The following TACC2 variants were observed in gnomAD, a reference collection of about 807,000 sequenced individuals.
The protein encoded by TACC2 is transforming acidic coiled-coil containing protein 2.
TACC2 carries 137 observed loss-of-function variants against 227.3 expected under a neutral mutation model. The observed-to-expected ratio is 0.60, with a 90% CI of 0.52 to 0.69. The LOEUF (loss-of-function observed/expected upper bound fraction) is 0.69. Ranked by LOEUF, TACC2 falls within the 30% of genes least tolerant of loss-of-function variation. The pLI is 0.00. For synonymous variants in TACC2, 1,523 were observed against 1,487.5 expected, an observed-to-expected ratio of 1.02 and a Z score of -0.55; for missense variants, 3,470 against 3,694.4, an observed-to-expected ratio of 0.94 and a Z score of 1.57.
intron 1 of TACC2, among the ~76,000 whole-genome samples, chr10:121,995,200 A>C (rs1336136285): frequency 1.3e-5 from 2 of 152,216 alleles, no homozygotes; most frequent in Non-Finnish European, 2.9e-5. Context: ...GTGCCTTTCC[A>C]GGCCTGTTTC....
At chr10:122,241,684 T>G in intron 18 of TACC2, 1 of 511,966 alleles carries the variant, frequency 2.0e-6, no homozygotes, top group East Asian at 3.2e-5. Flanking sequence ...AGCCTCAGCC[T>G]TCTCAATACC....
At chr10:122,079,569 A>G (rs1242017712) in intron 3 of TACC2, among the ~76,000 whole-genome samples, 1 of 152,170 alleles carries the variant, frequency 6.6e-6, no homozygotes, top group African/African-American at 2.4e-5. Flanking sequence ...GATAAAGATG[A>G]GTGCAGGGGT....
At chr10:122,160,551 G>A (rs1359279801) in intron 7 of TACC2, among the ~76,000 whole-genome samples, 6 of 151,864 alleles carry the variant, frequency 4.0e-5, no homozygotes, top group Admixed American at 6.6e-5. Context: ...GGGGGGTCTC[G>A]TGTCTTTTTC....
chr10:122,005,954 C>A (rs1955067683), intron 1 of TACC2, among the ~76,000 whole-genome samples: 1 of 152,050 alleles, frequency 6.6e-6, no homozygotes. Flanking sequence ...CTCAGCCTTC[C>A]AAAGTGTTGG....
At chr10:122,013,789 C>T (rs1261338692) in intron 1 of TACC2, among the ~76,000 whole-genome samples, 1 of 152,064 alleles carries the variant, frequency 6.6e-6, no homozygotes, top group African/African-American at 2.4e-5. Flanking sequence ...GGGCCCTGGT[C>T]GAGATGAGAG....
chr10:122,020,704 A>C (rs1417023330), intron 1 of TACC2, among the ~76,000 whole-genome samples: 1 of 152,064 alleles, frequency 6.6e-6, no homozygotes, highest in African/African-American at 2.4e-5. Flanking sequence ...CAAGCTCCTT[A>C]CCTTTTCCAG....
intron 7 of TACC2, among the ~76,000 whole-genome samples, chr10:122,185,818 C>T (rs2140360480): frequency 6.6e-6 from 1 of 152,316 alleles, no homozygotes; most frequent in Admixed American, 6.5e-5. Flanking sequence ...TGTAATTCTC[C>T]TCTCTAGAGA....
At chr10:122,065,970 C>T (rs1414731542) in intron 3 of TACC2, among the ~76,000 whole-genome samples, 2 of 152,142 alleles carry the variant, frequency 1.3e-5, no homozygotes, top group Non-Finnish European at 2.9e-5. Flanking sequence ...TTAGTGTTTG[C>T]ATAGTACATC....
intron 2 of TACC2, among the ~76,000 whole-genome samples, chr10:122,032,596 C>G (rs997576037): frequency 6.6e-6 from 1 of 152,166 alleles, no homozygotes; most frequent in Non-Finnish European, 1.5e-5. Flanking sequence ...TTCCTCTTCT[C>G]TCTCTCTGTT....
intron 5 of TACC2, among the ~76,000 whole-genome samples, chr10:122,105,127 G>C (rs968495352): frequency 2.0e-5 from 3 of 152,214 alleles, no homozygotes; most frequent in African/African-American, 7.2e-5. Context: ...AAGATAGTGT[G>C]CTGTCACTCA....
intron 2 of TACC2, among the ~76,000 whole-genome samples, chr10:122,039,006 C>T (rs1026660133): frequency 4.6e-5 from 7 of 152,150 alleles, no homozygotes; most frequent in Admixed American, 2.0e-4. Context: ...GACGGAGTCT[C>T]ACTCTGTCAG....
chr10:122,113,996 C>A (rs2084159937), intron 5 of TACC2, among the ~76,000 whole-genome samples: 1 of 152,242 alleles, frequency 6.6e-6, no homozygotes, highest in African/African-American at 2.4e-5. Flanking sequence ...AAAATGGCTT[C>A]ATCATCATCA....
At chr10:122,066,829 T>G (rs1011339551) in intron 3 of TACC2, among the ~76,000 whole-genome samples, 4 of 152,252 alleles carry the variant, frequency 2.6e-5, no homozygotes, top group African/African-American at 9.6e-5. Context: ...TTGGATTATT[T>G]TATTAGCTAC....
At chr10:122,111,515 G>A (rs138858127) in intron 5 of TACC2, among the ~76,000 whole-genome samples, 87 of 152,234 alleles carry the variant, frequency 5.7e-4, no homozygotes, top group African/African-American at 1.9e-3. Flanking sequence ...TGTTTGAGAC[G>A]GAGTCTCGCT....
intron 11 of TACC2, among the ~76,000 whole-genome samples, chr10:122,219,940 A>G (rs1288003715): frequency 6.6e-6 from 1 of 151,936 alleles, no homozygotes; most frequent in Non-Finnish European, 1.5e-5. Context: ...AGGGAGGCTG[A>G]GGCAGGAGAA....
chr10:122,107,262 C>T (rs900075566), intron 5 of TACC2, among the ~76,000 whole-genome samples: 4 of 152,132 alleles, frequency 2.6e-5, no homozygotes, highest in South Asian at 4.1e-4. Flanking sequence ...AGGCTGGGTG[C>T]GGTGGCTCAT....
chr10:122,174,320 A>G (rs2093610888), intron 7 of TACC2, among the ~76,000 whole-genome samples: 1 of 152,198 alleles, frequency 6.6e-6, no homozygotes, highest in African/African-American at 2.4e-5. Context: ...CGCTTTGGCA[A>G]TACCTCCCAG....
At chr10:122,163,491 G>A in intron 7 of TACC2, 2 of 881,532 alleles carry the variant, frequency 2.3e-6, no homozygotes, top group Non-Finnish European at 2.7e-6. Flanking sequence ...CCCACCCCCA[G>A]CCCCGTTTCC....
At chr10:122,089,789 C>A (rs1261480042) in intron 5 of TACC2, among the ~76,000 whole-genome samples, 2 of 152,180 alleles carry the variant, frequency 1.3e-5, no homozygotes, top group East Asian at 1.9e-4. Context: ...TGCACGATCA[C>A]CTGTTTTTCG....
Sources: gnomAD v4.1 joint callset for allele counts (sites outside exome capture counted in the v4.1 genomes callset) on GRCh38, gnomAD v4.1.1 for gene constraint, MANE v1.5 for transcripts, NCBI Gene and HGNC (gene_info 2026-07-23, HGNC 2026-07-21) for gene names.